Variants in FYB2 observed in about 807,000 individuals in gnomAD.
FYB2 encodes FYN binding protein 2.
In FYB2, 103 loss-of-function variants were observed where a neutral mutation model predicts 94.1. The ratio of observed to expected loss-of-function variants is 1.09; its 90% CI spans 0.93 to 1.29. The LOEUF (loss-of-function observed/expected upper bound fraction) is 1.29. FYB2 is among the 50% of genes most tolerant of loss of function. The pLI is 0.00. For synonymous variants in FYB2, 293 were observed against 287.9 expected, an observed-to-expected ratio of 1.02 and a Z score of -0.18; for missense variants, 896 against 841.5, an observed-to-expected ratio of 1.06 and a Z score of -0.80.
At position 56,765,839 on chromosome 1, in the gene FYB2, A is replaced by T. The variant is rs529415496; in HGVS notation, c.1063+1990T>A. ...TAGTCTTCTTATGTTTGTTTTACAT[A>T]CATAATGCCTGGGGCTTTTAGCTGT... On this transcript the variant is annotated intron_variant, in intron 5 of 19. Coordinates refer to ENST00000343433, the MANE Select transcript of FYB2 (RefSeq NM_001004303.5). 2.0e-5 allele frequency among the ~76,000 whole-genome samples: 3 copies of T among 152,324 alleles called. No homozygotes were observed. The East Asian group carries it at 5.8e-4, about 29-fold the overall frequency.
chr1:56,798,940 A>C (rs1646460760), intron 1 of FYB2, among the ~76,000 whole-genome samples: 1 of 152,172 alleles, frequency 6.6e-6, no homozygotes, highest in South Asian at 2.1e-4. Context: ...TTGGCTAATA[A>C]TTTTCTAGAA....
chr1:56,797,186 A>G (rs1189526738), intron 1 of FYB2, among the ~76,000 whole-genome samples: 1 of 152,122 alleles, frequency 6.6e-6, no homozygotes, highest in Non-Finnish European at 1.5e-5. Context: ...ACAATCTTGG[A>G]AACAGCATGA....
At chr1:56,789,726 G>A (rs1484590490) in intron 2 of FYB2, among the ~76,000 whole-genome samples, 5 of 152,142 alleles carry the variant, frequency 3.3e-5, no homozygotes, top group Non-Finnish European at 7.4e-5. Context: ...GGAGGCACTG[G>A]TCTATGTTCC....
the FYB2 span, among the ~76,000 whole-genome samples, chr1:56,826,313 C>T: frequency 2.0e-5 from 3 of 152,204 alleles, no homozygotes; most frequent in Non-Finnish European, 4.4e-5. Flanking sequence ...CCATGACACT[C>T]CACCATGGAA....
chr1:56,774,901 A>C (rs1278265492), intron 4 of FYB2, among the ~76,000 whole-genome samples: 1 of 152,062 alleles, frequency 6.6e-6, no homozygotes. Flanking sequence ...TCCTGCCCTC[A>C]AACATTGGAC....
chr1:56,769,120 C>A (rs1325437022), intron 4 of FYB2, among the ~76,000 whole-genome samples: 2 of 152,076 alleles, frequency 1.3e-5, no homozygotes, highest in African/African-American at 4.8e-5. Context: ...CTCACTGCAG[C>A]CTCAACCTCC....
At chr1:56,807,354 C>T (rs949759780) in intron 1 of FYB2, among the ~76,000 whole-genome samples, 1 of 152,150 alleles carries the variant, frequency 6.6e-6, no homozygotes, top group African/African-American at 2.4e-5. Context: ...ATTAGAGTCC[C>T]AGCTGCATGA....
chr1:56,814,270 G>A (rs1260598745), intron 1 of FYB2, among the ~76,000 whole-genome samples: 1 of 152,224 alleles, frequency 6.6e-6, no homozygotes, highest in Non-Finnish European at 1.5e-5. Context: ...TATCATCCAG[G>A]CCACAGAGCT....
At position 56,792,378 on chromosome 1, in the gene FYB2, C is replaced by G; in HGVS notation, c.435G>C (p.Lys145Asn). 6.2e-7 allele frequency: 1 copy of G among 1,614,096 alleles called. No individual in the cohort carries two copies. The highest frequency in any genetic ancestry group is 2.2e-5 in the East Asian group (1 of 44,866). The stretch of plus-strand genomic sequence containing the variant: ...ACATTTCACTTTTCTGAGATGAAAC[C>G]TTCTCCCAGTTCCAGAGTTTGTTTC... Reference protein sequence around the residue: ...SFRNKLWNWEKVSSQKSEMSS... With the variant: ...SFRNKLWNWENVSSQKSEMSS... The change falls in exon 2 of 20, where the codon AAG (lysine) becomes AAC (asparagine). Residue 145 changes from lysine (K) to asparagine (N), a missense_variant. Physicochemically the swap from Lys to Asn is moderately conservative, Grantham distance 94. Transcript: ENST00000343433.
At chr1:56,738,323 A>G (rs1004762572) in intron 14 of FYB2, among the ~76,000 whole-genome samples, 3 of 152,072 alleles carry the variant, frequency 2.0e-5, no homozygotes, top group African/African-American at 7.2e-5. Flanking sequence ...TGGAATACAA[A>G]TCCTGGATCA....
intron 1 of FYB2, 106 bp downstream of exon 1, chr1:56,819,176 A>G: frequency 7.6e-7 from 1 of 1,321,878 alleles, no homozygotes; most frequent in Non-Finnish European, 1.0e-6. Flanking sequence ...CCTGCCCAGG[A>G]GGCAGCACAC....
At chr1:56,768,797 A>G (rs1335636482) in intron 4 of FYB2, among the ~76,000 whole-genome samples, 1 of 152,172 alleles carries the variant, frequency 6.6e-6, no homozygotes, top group Non-Finnish European at 1.5e-5. Context: ...GACCTAAATA[A>G]TAGAATAACA....
the FYB2 span, chr1:56,826,678 C>A: frequency 6.6e-6 from 1 of 152,292 alleles, no homozygotes; most frequent in Non-Finnish European, 1.5e-5. Context: ...ACAGTTCCTT[C>A]ATCATTCATC....
chr1:56,732,757 G>T (rs542795041), intron 15 of FYB2, among the ~76,000 whole-genome samples: 13 of 152,098 alleles, frequency 8.5e-5, no homozygotes, highest in Admixed American at 2.0e-4. Flanking sequence ...AATGGTGCTA[G>T]GAAAACTGGA....
chr1:56,750,628 T>C (rs529282076), intron 9 of FYB2, among the ~76,000 whole-genome samples: 54 of 151,920 alleles, frequency 3.6e-4, no homozygotes, highest in Non-Finnish European at 7.1e-4. Context: ...GTATCACCAG[T>C]ACATGTCAAT....
chr1:56,759,399 C>A (rs994909365), intron 5 of FYB2, among the ~76,000 whole-genome samples: 49 of 152,120 alleles, frequency 3.2e-4, no homozygotes, highest in Non-Finnish European at 2.4e-4. Flanking sequence ...AGCCTACTAC[C>A]TTCCTAGGAT....
Position 56,719,695 on chromosome 1 carries a change from G to T in FYB2, c.2166-3C>A. 6.3e-7 allele frequency: 1 copy of T among 1,586,672 alleles called. No individual in the cohort carries two copies. The highest frequency in any genetic ancestry group is 1.1e-5 in the South Asian group (1 of 88,560). The stretch of plus-strand genomic sequence containing the variant: ...TCTAAGGTGACCAACTTTGATGCCT[G>T]TGAAAAAATAAAAATATGCAAACAT... On this transcript the variant is annotated splice_polypyrimidine_tract_variant and splice_region_variant and intron_variant, in intron 19 of 19. Transcript: ENST00000343433.
intron 12 of FYB2, among the ~76,000 whole-genome samples, 168 bp downstream of exon 12, chr1:56,741,993 C>A (rs1557598364): frequency 6.7e-6 from 1 of 148,854 alleles, no homozygotes; most frequent in Non-Finnish European, 1.5e-5. Flanking sequence ...TGTAATATTA[C>A]AATAGGTTAT....
At position 56,750,055 on chromosome 1, in the gene FYB2, G is replaced by C. The variant is rs78435119; in HGVS notation, c.1387+989C>G. 4.3e-4 allele frequency among the ~76,000 whole-genome samples: 65 copies of C among 151,934 alleles called. No homozygotes were observed. The East Asian group carries it at 0.012, about 29-fold the overall frequency. On this transcript the variant is annotated intron_variant, in intron 9 of 19. Transcript: ENST00000343433. Reference sequence around the variant, plus strand: ...TAAATTGGGTTTCTCCTGTGTGCTCGATACTTAGCCAGGTTACAGAGATAC... The same window carrying C: ...TAAATTGGGTTTCTCCTGTGTGCTCCATACTTAGCCAGGTTACAGAGATAC...
Sources: gnomAD v4.1 joint callset for allele counts (sites outside exome capture counted in the v4.1 genomes callset) on GRCh38, gnomAD v4.1.1 for gene constraint, MANE v1.5 for transcripts, NCBI Gene and HGNC (gene_info 2026-07-23, HGNC 2026-07-21) for gene names.